The following SCAF8 variants were observed in gnomAD, a reference collection of about 807,000 sequenced individuals.
SCAF8 encodes the protein SR-related and CTD-associated factor 8.
Under a neutral mutation model 140.5 loss-of-function variants are expected in SCAF8, and 23 were observed. The observed-to-expected ratio is 0.16, with a 90% CI of 0.12 to 0.23. SCAF8 has a LOEUF of 0.23. Ranked by LOEUF, SCAF8 falls within the 10% of genes least tolerant of loss-of-function variation. The probability of loss-of-function intolerance (pLI) is 1.00; values close to 1 mark genes in which losing one functional copy is unlikely to be tolerated. For missense variants in SCAF8, 1,397 were observed against 1,555.7 expected, an observed-to-expected ratio of 0.90 and a Z score of 1.72; for synonymous variants, 575 against 528.9, an observed-to-expected ratio of 1.09 and a Z score of -1.20.
intron 18 of SCAF8, among the ~76,000 whole-genome samples, chr6:154,828,790 G>T (rs1414894299): frequency 1.3e-5 from 2 of 152,076 alleles, no homozygotes; most frequent in African/African-American, 2.4e-5. Flanking sequence ...TAGAAAATGT[G>T]CATTTTGAAC....
chr6:154,774,012 A>G lies in SCAF8; in HGVS notation c.54A>G (p.Lys18=), dbSNP rs748977897. ...NSELYSLNDY[K]PPISKAKMTQ... ...AGTTGTATTCCCTGAATGACTATAAACCACCCATTTCGAAAGCGAAAATGA... is the reference window on the plus strand; with the variant it reads ...AGTTGTATTCCCTGAATGACTATAAGCCACCCATTTCGAAAGCGAAAATGA... The change falls in exon 2 of 20, where the codon AAA becomes AAG. Residue 18 remains lysine, a synonymous_variant. Coordinates refer to ENST00000367178, the MANE Select transcript of SCAF8 (RefSeq NM_014892.5). 6.2e-7 allele frequency: 1 copy of G among 1,612,880 alleles called. No homozygotes were observed. Among genetic ancestry groups the G allele is most frequent in the Non-Finnish European group, 8.5e-7 (1 of 1,178,938 alleles).
chr6:154,785,709 A>C (rs535813339), intron 3 of SCAF8, among the ~76,000 whole-genome samples: 1 of 152,266 alleles, frequency 6.6e-6, no homozygotes, highest in Admixed American at 6.5e-5. Context: ...TATATTGCAA[A>C]ATATATGGTC....
chr6:154,829,254 T>C (rs1778657785), intron 18 of SCAF8, among the ~76,000 whole-genome samples: 1 of 152,110 alleles, frequency 6.6e-6, no homozygotes, highest in South Asian at 2.1e-4. Context: ...TTTTTACATT[T>C]TTATGGGATA....
At chr6:154,743,573 A>G (rs1030658292) in intron 1 of SCAF8, among the ~76,000 whole-genome samples, 1 of 152,204 alleles carries the variant, frequency 6.6e-6, no homozygotes, top group African/African-American at 2.4e-5. Context: ...GTGATTCCTC[A>G]GGGTTCATTT....
chr6:154,739,001 A>G lies in SCAF8; in HGVS notation c.30+5071A>G, dbSNP rs537640487. On this transcript the variant is annotated intron_variant, in intron 1 of 19. Coordinates refer to ENST00000367178, the MANE Select transcript of SCAF8 (RefSeq NM_014892.5). ...TAAAATACAGCAGATTGTTGTTGTTATTGTTTAAGACTGAGTTTCTCTTGC... is the reference window on the plus strand; with the variant it reads ...TAAAATACAGCAGATTGTTGTTGTTGTTGTTTAAGACTGAGTTTCTCTTGC... Among the ~76,000 whole-genome samples, 97 of 152,172 alleles carry G rather than the reference A, an allele frequency of 6.4e-4. 5 individuals are homozygous for G. In the South Asian group the frequency reaches 0.017, roughly 27 times the overall value.
chr6:154,765,676 T>G (rs1169938135), intron 1 of SCAF8, among the ~76,000 whole-genome samples: 1 of 137,906 alleles, frequency 7.3e-6, no homozygotes, highest in Non-Finnish European at 1.5e-5. Context: ...ACTGAATCAC[T>G]CTCTAATTTC....
At chr6:154,796,971 C>T (rs1011736029) in intron 6 of SCAF8, among the ~76,000 whole-genome samples, 45 of 145,262 alleles carry the variant, frequency 3.1e-4, no homozygotes, top group African/African-American at 1.0e-3. Flanking sequence ...GACTCAAAAA[C>T]AAAAATCTCA....
intron 17 of SCAF8, chr6:154,825,293 T>C (rs906805312): frequency 1.3e-5 from 2 of 152,216 alleles, no homozygotes; most frequent in African/African-American, 2.4e-5. Flanking sequence ...CCTAATAAAT[T>C]ACTGATACAC....
intron 1 of SCAF8, among the ~76,000 whole-genome samples, chr6:154,741,450 G>A (rs1236173855): frequency 2.0e-5 from 3 of 151,584 alleles, no homozygotes; most frequent in East Asian, 1.9e-4. Flanking sequence ...TTCTTCGCCC[G>A]GGCTGGAGTG....
chr6:154,771,884 TG>T (rs1431359971), intron 1 of SCAF8, among the ~76,000 whole-genome samples: 1 of 151,670 alleles, frequency 6.6e-6, no homozygotes, highest in Admixed American at 6.6e-5. Flanking sequence ...AAATAGAAGT[TG>T]GGGGGGAAAA....
At chr6:154,778,768 AATGT>A (rs377517699) in intron 3 of SCAF8, among the ~76,000 whole-genome samples, 70 of 117,470 alleles carry the variant, frequency 6.0e-4, no homozygotes, top group African/African-American at 1.9e-3. Flanking sequence ...TGTCTCAAAA[AATGT>A]GTGTGTGTGT....
At chr6:154,767,047 G>A (rs1461197196) in intron 1 of SCAF8, among the ~76,000 whole-genome samples, 2 of 152,016 alleles carry the variant, frequency 1.3e-5, no homozygotes, top group Non-Finnish European at 2.9e-5. Flanking sequence ...GGTTGACCAG[G>A]GGCATTGTCC....
Position 154,831,927 on chromosome 6 carries a change from C to CTT in SCAF8, c.2360-4_2360-3dup. On this transcript the variant is annotated splice_polypyrimidine_tract_variant and intron_variant, in intron 19 of 19. Coordinates refer to ENST00000367178, the MANE Select transcript of SCAF8 (RefSeq NM_014892.5). ...GTTATTTTGAGTTTTTTCTCTCTCT[C>CTT]TTTTTTTTTAGTGATTCCAAATGAT... 6.7e-7 allele frequency: 1 copy of CTT among 1,495,586 alleles called. No individual in the cohort carries two copies. The highest frequency in any genetic ancestry group is 9.0e-7 in the Non-Finnish European group (1 of 1,108,902). 92.6% of individuals were successfully genotyped at this position (1,495,586 alleles called of 1,614,324 possible).
At chr6:154,768,440 T>G (rs116025689) in intron 1 of SCAF8, among the ~76,000 whole-genome samples, 5 of 152,336 alleles carry the variant, frequency 3.3e-5, no homozygotes, top group African/African-American at 1.2e-4. Context: ...CAGAAATGGT[T>G]AACATCACAT....
At chr6:154,759,664 A>ATTT (rs67700317) in intron 1 of SCAF8, among the ~76,000 whole-genome samples, 7 of 133,292 alleles carry the variant, frequency 5.3e-5, no homozygotes, top group Non-Finnish European at 6.3e-5. Context: ...TGTCATAATA[A>ATTT]TTTTTTTTTT....
intron 1 of SCAF8, among the ~76,000 whole-genome samples, chr6:154,771,780 T>C (rs1776775387): frequency 6.6e-6 from 1 of 152,052 alleles, no homozygotes; most frequent in Non-Finnish European, 1.5e-5. Flanking sequence ...GGCACTAAGC[T>C]CAGTACCTGT....
chr6:154,818,656 A>G, intron 14 of SCAF8, 64 bp downstream of exon 14: 1 of 722,828 alleles, frequency 1.4e-6, no homozygotes. Context: ...GTTATGTTAA[A>G]GTCTGAGTTT....
At chr6:154,798,863 A>C (rs1282965625) in intron 6 of SCAF8, among the ~76,000 whole-genome samples, 1 of 151,424 alleles carries the variant, frequency 6.6e-6, no homozygotes, top group Non-Finnish European at 1.5e-5. Context: ...GCAGTGGTGC[A>C]GTTGTATTTC....
intron 1 of SCAF8, among the ~76,000 whole-genome samples, chr6:154,770,742 T>C (rs1159607424): frequency 6.6e-6 from 1 of 152,154 alleles, no homozygotes; most frequent in Non-Finnish European, 1.5e-5. Context: ...TTGGTTAAAC[T>C]GGTTTTTGTT....
Sources: allele counts gnomAD v4.1 joint callset (sites outside exome capture counted in the v4.1 genomes callset), GRCh38; gene constraint gnomAD v4.1.1; transcripts MANE v1.5; gene names NCBI Gene and HGNC (gene_info 2026-07-23, HGNC 2026-07-21).